GALNT18: variants seen among roughly 807,000 people sequenced by gnomAD.
GALNT18 encodes polypeptide N-acetylgalactosaminyltransferase 18.
GALNT18 carries 44 observed loss-of-function variants against 69.5 expected under a neutral mutation model. The observed-to-expected ratio is 0.63, with a 90% CI of 0.50 to 0.81. GALNT18 has a LOEUF of 0.81. GALNT18 is among the 40% of genes least tolerant of loss of function. The pLI is 0.00. For synonymous variants in GALNT18, 364 were observed against 318.2 expected (o/e 1.14, Z -1.53); for missense variants, 715 against 810.0 (o/e 0.88, Z 1.42).
intron 9 of GALNT18, among the ~76,000 whole-genome samples, chr11:11,303,113 A>G (rs933106181): frequency 6.6e-6 from 1 of 151,772 alleles, no homozygotes; most frequent in African/African-American, 2.4e-5. Flanking sequence ...CATGTGAACA[A>G]CCTCCTCTAT....
At chr11:11,512,004 C>T (rs1232888217) in intron 1 of GALNT18, among the ~76,000 whole-genome samples, 1 of 152,186 alleles carries the variant, frequency 6.6e-6, no homozygotes, top group Non-Finnish European at 1.5e-5. Flanking sequence ...CACATGTCTA[C>T]ATATATACAC....
Position 11,387,817 on chromosome 11 carries a change from GA to G in GALNT18, c.596-8554del, listed in dbSNP as rs1427674161. On this transcript the variant is annotated intron_variant, in intron 3 of 10. Coordinates refer to ENST00000227756, the MANE Select transcript of GALNT18 (RefSeq NM_198516.3). The surrounding 1 kb of genome is among the most constrained non-coding windows in gnomAD (Gnocchi z 4.6). Reference sequence around the variant, plus strand: ...GATGGTCCTGCTGATGAATGATGGTGAGCCTGGCTTGGGCAGCTGGGATCCC... The same window carrying G: ...GATGGTCCTGCTGATGAATGATGGTGGCCTGGCTTGGGCAGCTGGGATCCC... Among the ~76,000 whole-genome samples, 2 of 152,352 alleles carry G rather than the reference GA, an allele frequency of 1.3e-5. No homozygotes were observed. Among genetic ancestry groups the G allele is most frequent in the East Asian group, 3.9e-4 (2 of 5,172 alleles).
At chr11:11,567,673 C>T (rs1858685908) in intron 1 of GALNT18, among the ~76,000 whole-genome samples, 1 of 152,168 alleles carries the variant, frequency 6.6e-6, no homozygotes, top group Non-Finnish European at 1.5e-5. Flanking sequence ...GGTGCATATC[C>T]TCTTATGGAG....
intron 9 of GALNT18, among the ~76,000 whole-genome samples, chr11:11,322,389 G>C (rs1194916858): frequency 6.6e-6 from 1 of 152,200 alleles, no homozygotes; most frequent in East Asian, 1.9e-4. Flanking sequence ...CCATCACACA[G>C]ACAAAACATT....
At chr11:11,571,182 A>T (rs1008505918) in intron 1 of GALNT18, among the ~76,000 whole-genome samples, 1 of 152,232 alleles carries the variant, frequency 6.6e-6, no homozygotes, top group Non-Finnish European at 1.5e-5. Flanking sequence ...TTAACTTAGC[A>T]GTTTATCCAA....
intron 9 of GALNT18, among the ~76,000 whole-genome samples, chr11:11,295,192 C>T (rs534609040): frequency 6.6e-6 from 1 of 152,036 alleles, no homozygotes; most frequent in African/African-American, 2.4e-5. Flanking sequence ...TCTTTAGGCT[C>T]TTGGGAGGGG....
intron 1 of GALNT18, among the ~76,000 whole-genome samples, chr11:11,490,234 A>ACACACACACAC (rs1856738130): frequency 8.0e-6 from 1 of 125,096 alleles, no homozygotes; most frequent in African/African-American, 3.0e-5. Context: ...CTCTCTCTCT[A>ACACACACACAC]ACACACACAC....
intron 3 of GALNT18, among the ~76,000 whole-genome samples, chr11:11,423,088 G>A (rs560978828): frequency 2.8e-4 from 42 of 152,138 alleles, no homozygotes; most frequent in East Asian, 1.2e-3. Flanking sequence ...ACACAGGTCC[G>A]CATCCACCCA....
intron 5 of GALNT18, among the ~76,000 whole-genome samples, chr11:11,373,864 A>G (rs1489730633): frequency 5.3e-5 from 8 of 152,222 alleles, no homozygotes; most frequent in Non-Finnish European, 1.2e-4. Flanking sequence ...GCCTGGCTGG[A>G]GGACTTGGTG....
At chr11:11,580,424 C>A (rs537839445) in intron 1 of GALNT18, among the ~76,000 whole-genome samples, 2 of 152,176 alleles carry the variant, frequency 1.3e-5, no homozygotes, top group Non-Finnish European at 2.9e-5. Flanking sequence ...TCTCATGTTT[C>A]CCGGCTTTTG....
intron 9 of GALNT18, among the ~76,000 whole-genome samples, chr11:11,300,057 C>G (rs142291744): frequency 1.3e-4 from 20 of 152,330 alleles, no homozygotes; most frequent in African/African-American, 4.8e-4. Flanking sequence ...CCAGGCAAAT[C>G]TAGAACATTG....
intron 10 of GALNT18, among the ~76,000 whole-genome samples, chr11:11,274,585 T>C (rs1235589461): frequency 6.6e-6 from 1 of 152,188 alleles, no homozygotes; most frequent in African/African-American, 2.4e-5. Flanking sequence ...AGTTCTGAGG[T>C]ACATGTGCAG....
At chr11:11,327,290 A>C in intron 8 of GALNT18, 109 bp from the exon 9 acceptor site, 1 of 828,438 alleles carries the variant, frequency 1.2e-6, no homozygotes, top group Non-Finnish European at 2.0e-6. Context: ...CATGTCCATA[A>C]TCAGCCCAAG....
chr11:11,585,354 C>CT (rs796771821), intron 1 of GALNT18, among the ~76,000 whole-genome samples: 20,329 of 138,266 alleles, frequency 0.15, 1,437 homozygotes, highest in Middle Eastern at 0.2. Context: ...GAAGAAAAAT[C>CT]TTTTTTTTTT....
intron 3 of GALNT18, among the ~76,000 whole-genome samples, chr11:11,431,837 C>G (rs913209310): frequency 3.9e-5 from 6 of 152,156 alleles, no homozygotes; most frequent in Non-Finnish European, 8.8e-5. Flanking sequence ...AGAAATCATG[C>G]ATTATCAGAA....
chr11:11,525,215 A>G (rs537671694), intron 1 of GALNT18, among the ~76,000 whole-genome samples: 1 of 152,254 alleles, frequency 6.6e-6, no homozygotes, highest in Non-Finnish European at 1.5e-5. Context: ...AAAGGCCCAG[A>G]ATGCCATCCT....
At chr11:11,271,335 C>A (rs747423756) in intron 10 of GALNT18, 45 bp from the exon 11 acceptor site, 2 of 1,588,698 alleles carry the variant, frequency 1.3e-6, no homozygotes, top group Admixed American at 1.7e-5. Context: ...ATAGAGGCAA[C>A]ATGCAGAAAT....
chr11:11,597,081 T>C (rs893597467), intron 1 of GALNT18, among the ~76,000 whole-genome samples: 10 of 152,222 alleles, frequency 6.6e-5, no homozygotes, highest in African/African-American at 2.4e-4. Flanking sequence ...ACTTCATCAA[T>C]ATTTTATGTG....
chr11:11,376,701 T>C (rs1853770975), intron 5 of GALNT18, among the ~76,000 whole-genome samples: 1 of 152,190 alleles, frequency 6.6e-6, no homozygotes, highest in Admixed American at 6.5e-5. Flanking sequence ...TTCTCTGTGT[T>C]CATGAACTTT....
Sources: gnomAD v4.1 joint callset for allele counts (sites outside exome capture counted in the v4.1 genomes callset) on GRCh38, gnomAD v4.1.1 for gene constraint, Gnocchi (gnomAD v3.1) non-coding constraint, MANE v1.5 for transcripts, NCBI Gene and HGNC (gene_info 2026-07-23, HGNC 2026-07-21) for gene names.